The following LY6S variants were observed in gnomAD, a reference collection of about 807,000 sequenced individuals.
LY6S encodes lymphocyte antigen 6 family member S.
chr8:143,043,864 A>G, the LY6S span, among the ~76,000 whole-genome samples: 3 of 152,152 alleles, frequency 2.0e-5, no homozygotes, highest in Non-Finnish European at 4.4e-5. Context: ...TAATAGATAC[A>G]GGGTTTCTCC....
At chr8:143,046,577 CAAA>C in the LY6S span, among the ~76,000 whole-genome samples, 22 of 76,026 alleles carry the variant, frequency 2.9e-4, no homozygotes, top group African/African-American at 6.0e-4. Flanking sequence ...GACTCCAGCT[CAAA>C]AAAAAAAAAA....
chr8:143,062,030 C>A, the LY6S span, among the ~76,000 whole-genome samples: 248 of 152,094 alleles, frequency 1.6e-3, no homozygotes, highest in African/African-American at 5.7e-3. Flanking sequence ...CCATGCTCAG[C>A]CAGGCAATTA....
At chr8:143,073,463 T>C in the LY6S span, among the ~76,000 whole-genome samples, 58 of 148,530 alleles carry the variant, frequency 3.9e-4, no homozygotes, top group African/African-American at 1.2e-3. Context: ...ACAGCCGTCG[T>C]CCCCGGGGCT....
the LY6S span, among the ~76,000 whole-genome samples, chr8:143,058,607 G>A: frequency 8.9e-4 from 136 of 152,316 alleles, 4 homozygotes; most frequent in Middle Eastern, 3.4e-3. Context: ...ACAGGGAGAC[G>A]GTTAGGCCTC....
At chr8:143,044,399 GC>G in the LY6S span, among the ~76,000 whole-genome samples, 1 of 152,158 alleles carries the variant, frequency 6.6e-6, no homozygotes, top group South Asian at 2.1e-4. Context: ...GGCCCTGTGG[GC>G]GCCCCCTGCT....
At chr8:143,074,131 C>CTGGAG in the LY6S span, among the ~76,000 whole-genome samples, 1 of 152,198 alleles carries the variant, frequency 6.6e-6, no homozygotes, top group Non-Finnish European at 1.5e-5. Flanking sequence ...CAGTTTTATA[C>CTGGAG]TTCATGGAGT....
the LY6S span, among the ~76,000 whole-genome samples, chr8:143,050,329 C>T: frequency 6.6e-6 from 1 of 152,160 alleles, no homozygotes; most frequent in Admixed American, 6.5e-5. Context: ...TACAGGCATG[C>T]ACCATCACGT....
the LY6S span, among the ~76,000 whole-genome samples, chr8:143,072,361 G>A: frequency 6.2e-5 from 8 of 129,094 alleles, no homozygotes; most frequent in East Asian, 2.8e-4. Context: ...TCCTGTTTGA[G>A]GAGACAGCCG....
chr8:143,060,367 G>A, the LY6S span, among the ~76,000 whole-genome samples: 3 of 152,212 alleles, frequency 2.0e-5, no homozygotes, highest in Admixed American at 6.5e-5. Context: ...CAGTGGTCAC[G>A]CTCCTGATCC....
the LY6S span, among the ~76,000 whole-genome samples, chr8:143,063,761 T>C: frequency 6.6e-6 from 1 of 152,236 alleles, no homozygotes; most frequent in African/African-American, 2.4e-5. Context: ...TGCAGGGTCA[T>C]CTGGGAGTGT....
At chr8:143,060,179 C>T in the LY6S span, among the ~76,000 whole-genome samples, 4 of 151,412 alleles carry the variant, frequency 2.6e-5, no homozygotes, top group East Asian at 1.9e-4. Context: ...CTTGGTCTAG[C>T]GGTAGTGCCA....
chr8:143,049,281 G>A, the LY6S span: 42 of 534,516 alleles, frequency 7.9e-5, 1 homozygote, highest in Non-Finnish European at 1.5e-5. Context: ...TGTAAAAATT[G>A]GAACACCTTT....
the LY6S span, among the ~76,000 whole-genome samples, chr8:143,055,986 A>G: frequency 0.75 from 113,696 of 151,610 alleles, 43,048 homozygotes; most frequent in East Asian, 0.93. Flanking sequence ...AACCTGTCAC[A>G]TAAATTCTTT....
chr8:143,042,919 GAGGACA>G, the LY6S span: 6 of 1,079,684 alleles, frequency 5.6e-6, no homozygotes, highest in Non-Finnish European at 6.5e-6. Context: ...CCTGGGCCCA[GAGGACA>G]AGGAGTTTAA....
At chr8:143,076,099 C>T in the LY6S span, among the ~76,000 whole-genome samples, 7 of 152,200 alleles carry the variant, frequency 4.6e-5, no homozygotes, top group African/African-American at 1.7e-4. Context: ...TTCAAGAGCT[C>T]CCTGGTGCCT....
At chr8:143,060,496 C>T in the LY6S span, among the ~76,000 whole-genome samples, 1 of 152,238 alleles carries the variant, frequency 6.6e-6, no homozygotes, top group African/African-American at 2.4e-5. Context: ...ATGACGTAAG[C>T]TGTCCCCTCT....
chr8:143,055,852 G>A, the LY6S span, among the ~76,000 whole-genome samples: 1 of 152,124 alleles, frequency 6.6e-6, no homozygotes, highest in Non-Finnish European at 1.5e-5. Flanking sequence ...TGGCTGCTTA[G>A]ACGACGCCAA....
the LY6S span, chr8:143,043,168 G>A: frequency 5.1e-6 from 7 of 1,367,536 alleles, no homozygotes; most frequent in South Asian, 1.1e-5. Flanking sequence ...AGCAGGAGCT[G>A]TACGCACAGG....
the LY6S span, among the ~76,000 whole-genome samples, chr8:143,067,866 T>C: frequency 1.3e-5 from 2 of 152,170 alleles, no homozygotes; most frequent in African/African-American, 2.4e-5. Context: ...TGCCAGCATA[T>C]CTCGCCTCCA....
Sources: allele counts gnomAD v4.1 joint callset (sites outside exome capture counted in the v4.1 genomes callset), GRCh38; gene constraint gnomAD v4.1.1; transcripts MANE v1.5; gene names NCBI Gene and HGNC (gene_info 2026-07-23, HGNC 2026-07-21).